ALDH16A1: variants seen among roughly 807,000 people sequenced by gnomAD.
The protein encoded by ALDH16A1 is aldehyde dehydrogenase 16 family member A1.
ALDH16A1 carries 88 observed loss-of-function variants against 96.1 expected under a neutral mutation model. That is an observed-to-expected ratio of 0.92 (90% CI 0.77 to 1.09). The LOEUF is 1.09. ALDH16A1 is among the 50% of genes least tolerant of loss of function. The pLI is 0.00. For synonymous variants in ALDH16A1, 522 were observed against 496.4 expected (o/e 1.05, Z -0.69); for missense variants, 1,250 against 1,112.6 (o/e 1.12, Z -1.76).
Position 49,459,977 on chromosome 19 carries a change from C to G in ALDH16A1, c.499+129C>G. On this transcript the variant is annotated intron_variant, in intron 4 of 16. Coordinates refer to ENST00000293350, the MANE Select transcript of ALDH16A1 (RefSeq NM_153329.4). This position sits in a 1 kb window ranked among gnomAD's most constrained non-coding sequence, Gnocchi z 4.1. ...CCAGGCCGGAGTGCAGTGGCGCAAT[C>G]TTGGCTCACTATAACCTCCGCCTCC... The G allele has an allele frequency of 8.7e-7, 1 of 1,153,520 alleles. No individual in the cohort carries two copies. Among genetic ancestry groups the G allele is most frequent in the Non-Finnish European group, 1.2e-6 (1 of 849,634 alleles). 71.5% of individuals were successfully genotyped at this position (1,153,520 alleles called of 1,614,324 possible).
Position 49,468,338 on chromosome 19 carries a change from G to A in ALDH16A1, c.1939-43G>A, listed in dbSNP as rs2079216144. 6.3e-7 allele frequency: 1 copy of A among 1,578,084 alleles called. No individual in the cohort carries two copies. The highest frequency in any genetic ancestry group is 8.6e-7 in the Non-Finnish European group (1 of 1,167,066). ...GAACTGGATCTCTCATTTACTGCGGGCGGGGCTCCCCTGCCCCACACGTGA... is the reference window on the plus strand; with the variant it reads ...GAACTGGATCTCTCATTTACTGCGGACGGGGCTCCCCTGCCCCACACGTGA... On this transcript the variant is annotated intron_variant, in intron 14 of 16. Coordinates refer to ENST00000293350, the MANE Select transcript of ALDH16A1 (RefSeq NM_153329.4). This position sits in a 1 kb window ranked among gnomAD's most constrained non-coding sequence, Gnocchi z 4.4.
chr19:49,453,606 C>G, intron 1 of ALDH16A1, 185 bp downstream of exon 1: 3 of 567,346 alleles, frequency 5.3e-6, no homozygotes, highest in Non-Finnish European at 9.4e-6. Flanking sequence ...GCGGTGGCAG[C>G]CTTTTAGTCT....
In ALDH16A1 at chr19:49,470,602, C is replaced by G. The variant is rs1014071488; in HGVS notation, c.*135C>G. The G allele has an allele frequency of 8.2e-6, 8 of 975,848 alleles. No individual in the cohort carries two copies. Among genetic ancestry groups the G allele is most frequent in the Non-Finnish European group, 1.1e-5 (8 of 732,528 alleles). The allele number at this position is 975,848 out of a possible 1,614,324, so 60.4% of individuals were successfully genotyped here. A position where few individuals can be genotyped will look rare whatever the true frequency, so the allele number is the denominator to read the frequency against. On this transcript the variant is annotated 3_prime_UTR_variant, in exon 17 of 17. Coordinates refer to ENST00000293350, the MANE Select transcript of ALDH16A1 (RefSeq NM_153329.4). ...CTGACCAACCCTAGCTGTGCTTCTG[C>G]GAGAAGAAAGGGTGTAGCAACTTCT...
intron 8 of ALDH16A1, among the ~76,000 whole-genome samples, chr19:49,463,440 G>A (rs537129982): frequency 2.4e-4 from 8 of 33,686 alleles, no homozygotes; most frequent in Admixed American, 2.8e-4. Flanking sequence ...TCCTGGGTCT[G>A]AGGGAGGAGA....
intron 8 of ALDH16A1, among the ~76,000 whole-genome samples, chr19:49,463,131 T>C (rs1237632306): frequency 1.8e-4 from 2 of 11,288 alleles, no homozygotes. Flanking sequence ...GGGCTGGGGG[T>C]CCAGACTCCT....
In ALDH16A1 at chr19:49,468,452, C is replaced by G. The variant is rs781582861; in HGVS notation, c.2010C>G (p.Asp670Glu). 5.0e-6 allele frequency: 8 copies of G among 1,601,638 alleles called. No individual in the cohort carries two copies. The African/African-American group carries it at 9.4e-5, about 19-fold the overall frequency. The change falls in exon 15 of 17, where the codon GAC (aspartate) becomes GAG (glutamate). Residue 670 changes from aspartate (D) to glutamate (E), a missense_variant. Transcript: ENST00000293350. This position sits in a 1 kb window ranked among gnomAD's most constrained non-coding sequence, Gnocchi z 4.4. ...PLGVLAVVCP[D>E]EWPLLAFVSL... ...GTGTGCTGGCTGTGGTGTGTCCGGACGAGTGGCCCCTGCTTGCCTTCGTGT... is the reference window on the plus strand; with the variant it reads ...GTGTGCTGGCTGTGGTGTGTCCGGAGGAGTGGCCCCTGCTTGCCTTCGTGT...
rs564294974 is a variant in ALDH16A1, at chr19:49,468,275, G to C, written c.1939-106G>C. ...ATGGCAGGGGCTTCCACAATGGTGCGGTTTGGGCCAACACCAAGTGTTGGG... is the reference window on the plus strand; with the variant it reads ...ATGGCAGGGGCTTCCACAATGGTGCCGTTTGGGCCAACACCAAGTGTTGGG... On this transcript the variant is annotated intron_variant, in intron 14 of 16. Transcript: ENST00000293350. The surrounding 1 kb of genome is among the most constrained non-coding windows in gnomAD (Gnocchi z 4.4). The C allele has an allele frequency of 2.5e-6, 3 of 1,187,724 alleles. No homozygotes were observed. The South Asian group carries it at 4.4e-5, about 17-fold the overall frequency. 73.6% of individuals were successfully genotyped at this position (1,187,724 alleles called of 1,614,324 possible). A position where few individuals can be genotyped will look rare whatever the true frequency, so the allele number is the denominator to read the frequency against.
rs776418561 is a variant in ALDH16A1 at position 49,462,649 on chromosome 19, G to A, written c.992G>A (p.Arg331Gln). 3.9e-5 allele frequency: 63 copies of A among 1,612,366 alleles called. No individual in the cohort carries two copies. The highest frequency in any genetic ancestry group is 6.7e-5 in the East Asian group (3 of 44,886). ...CTGCAGGAGCGGATGGGGCGGCTTC[G>A]GAGTGGCCGAGGGCTGGATGGGGCC... is the stretch of plus-strand genomic sequence containing the variant. ...RRLQERMGRL[R>Q]SGRGLDGAVD... Residue 331 changes from arginine to glutamine, a missense_variant, in exon 8 of 17, where the codon CGG becomes CAG. Physicochemically the swap from Arg to Gln is conservative, Grantham distance 43. Transcript: ENST00000293350.
In ALDH16A1 at chr19:49,464,879, G is replaced by A. The variant is rs1047690569; in HGVS notation, c.1568+117G>A. On this transcript the variant is annotated intron_variant, in intron 12 of 16. Coordinates refer to ENST00000293350, the MANE Select transcript of ALDH16A1 (RefSeq NM_153329.4). ...TCCATCCAAACCATCTCTTAGTCCT[G>A]CTGAGTACCACGTTGTGGCCTCACA... The A allele has an allele frequency of 1.7e-4, 252 of 1,494,794 alleles. 2 individuals carry two copies. The South Asian group carries it at 2.4e-3, about 14-fold the overall frequency. The allele number at this position is 1,494,794 out of a possible 1,614,324, so 92.6% of individuals were successfully genotyped here.
chr19:49,453,243 T>C lies in ALDH16A1; in HGVS notation c.-89T>C. ...TCCCATTAGCCCCGCCCCTTTGGGC[T>C]GGAACCGGAGGTGTCGCTCTTCGGA... On this transcript the variant is annotated 5_prime_UTR_variant, in exon 1 of 17. Coordinates refer to ENST00000293350, the MANE Select transcript of ALDH16A1 (RefSeq NM_153329.4). 4 of 1,227,596 alleles carry C rather than the reference T, an allele frequency of 3.3e-6. No homozygotes were observed. Among genetic ancestry groups the C allele is most frequent in the Non-Finnish European group, 4.5e-6 (4 of 895,202 alleles). The allele number at this position is 1,227,596 out of a possible 1,614,324, so 76.0% of individuals were successfully genotyped here.
intron 5 of ALDH16A1, 38 bp downstream of exon 5, chr19:49,460,937 G>A: frequency 1.3e-6 from 2 of 1,594,554 alleles, no homozygotes; most frequent in Admixed American, 1.7e-5. Context: ...TCTTGGGTCT[G>A]AGAAAGGAGG....
At position 49,464,125 on chromosome 19, in the gene ALDH16A1, A is replaced by G; in HGVS notation, c.1195-2A>G. ...GCTGAGCCTCCCGGTCACCCCTTGC[A>G]GGTGCCGTGGCCTGTGGTCGTGGCC... On this transcript the variant is annotated splice_acceptor_variant, in intron 9 of 16. Transcript: ENST00000293350. LOFTEE classifies it high-confidence loss of function. The G allele has an allele frequency of 3.7e-6, 6 of 1,606,938 alleles. No individual in the cohort carries two copies. The highest frequency in any genetic ancestry group is 5.1e-6 in the Non-Finnish European group (6 of 1,178,310).
In ALDH16A1 at chr19:49,461,961, G is replaced by C; in HGVS notation, c.837G>C (p.Leu279=). ...TGGCGCTGGGGACGGAGTCGCTGCT[G>C]CTGCTGACGGACACGGCGGACGTAG... is the stretch of plus-strand genomic sequence containing the variant. ...LGLALGTESL[L]LLTDTADVDS... Residue 279 remains leucine, a synonymous_variant, in exon 7 of 17, where the codon CTG becomes CTC. Transcript: ENST00000293350. The C allele has an allele frequency of 6.4e-7, 1 of 1,565,138 alleles. No homozygotes were observed. The highest frequency in any genetic ancestry group is 8.6e-7 in the Non-Finnish European group (1 of 1,157,916).
Position 49,462,860 on chromosome 19 carries a change from G to A in ALDH16A1, c.1098+105G>A, listed in dbSNP as rs117123194. 1.5e-3 allele frequency: 1,268 copies of A among 864,898 alleles called. 29 individuals carry two copies. In the East Asian group the frequency reaches 0.031, roughly 21 times the overall value. 53.6% of individuals were successfully genotyped at this position (864,898 alleles called of 1,614,324 possible). On this transcript the variant is annotated intron_variant, in intron 8 of 16. Coordinates refer to ENST00000293350, the MANE Select transcript of ALDH16A1 (RefSeq NM_153329.4). The stretch of plus-strand genomic sequence containing the variant: ...GAGCTGGGCGTGGACAACTGGGTCC[G>A]AGGAAGGAGGGGCTGGGAGCCTGGA...
intron 16 of ALDH16A1, 143 bp from the exon 17 acceptor site, chr19:49,470,163 G>T: frequency 1.0e-6 from 1 of 987,946 alleles, no homozygotes. Flanking sequence ...TGGAAGTTCT[G>T]CTTGGGAGGA....
chr19:49,461,002 A>G, intron 5 of ALDH16A1, 103 bp downstream of exon 5: 3 of 1,286,186 alleles, frequency 2.3e-6, no homozygotes, highest in Non-Finnish European at 3.4e-6. Flanking sequence ...GGAGGCCTGG[A>G]CTCTGTGGAA....
intron 12 of ALDH16A1, 136 bp downstream of exon 12, chr19:49,464,898 C>T (rs533370925): frequency 7.2e-7 from 1 of 1,383,672 alleles, no homozygotes; most frequent in Non-Finnish European, 9.9e-7. Flanking sequence ...CACGTTGTGG[C>T]CTCACACTTT....
chr19:49,461,859 C>G (rs373865423), intron 6 of ALDH16A1, 25 bp from the exon 7 acceptor site: 4 of 1,594,444 alleles, frequency 2.5e-6, no homozygotes, highest in Non-Finnish European at 3.4e-6. Flanking sequence ...GCTCCTCCTG[C>G]GGCTGAACTG....
At chr19:49,462,420 C>A (rs1568652480) in intron 7 of ALDH16A1, 150 bp from the exon 8 acceptor site, 2 of 1,035,588 alleles carry the variant, frequency 1.9e-6, no homozygotes, top group Non-Finnish European at 2.8e-6. Context: ...CAGGTGTGAG[C>A]CACCGCATCC....
Sources: allele counts gnomAD v4.1 joint callset (sites outside exome capture counted in the v4.1 genomes callset), GRCh38; gene constraint gnomAD v4.1.1; non-coding constraint Gnocchi (gnomAD v3.1); transcripts MANE v1.5; gene names NCBI Gene and HGNC (gene_info 2026-07-23, HGNC 2026-07-21).